The following ATP2C1 variants were observed in gnomAD, a reference collection of about 807,000 sequenced individuals.
The protein encoded by ATP2C1 is ATPase secretory pathway Ca2+ transporting 1, also known as calcium-transporting ATPase type 2C member 1.
ATP2C1 carries 31 observed loss-of-function variants against 120.5 expected under a neutral mutation model. The observed-to-expected ratio is 0.26, with a 90% CI of 0.19 to 0.35. The LOEUF (loss-of-function observed/expected upper bound fraction) is 0.35, where lower values mean the gene tolerates loss of function less well. Among genes scored for constraint, ATP2C1 ranks in the 10% least tolerant of loss-of-function variants. The pLI is 1.00. For synonymous variants in ATP2C1, 351 were observed against 358.7 expected, an observed-to-expected ratio of 0.98 and a Z score of 0.24; for missense variants, 731 against 1,107.5, an observed-to-expected ratio of 0.66 and a Z score of 4.83.
At chr3:130,913,215 G>A (rs1219580479) in intron 2 of ATP2C1, among the ~76,000 whole-genome samples, 1 of 150,452 alleles carries the variant, frequency 6.6e-6, no homozygotes, top group African/African-American at 2.5e-5. Context: ...CCTGCACAAT[G>A]TGCACATGTA....
At chr3:130,865,103 G>A (rs1048158860) in intron 1 of ATP2C1, among the ~76,000 whole-genome samples, 2 of 152,170 alleles carry the variant, frequency 1.3e-5, no homozygotes, top group African/African-American at 4.8e-5. Context: ...CACAGGGGTG[G>A]AGCTGCCTAA....
chr3:130,979,193 G>A (rs2061650417), intron 18 of ATP2C1, 56 bp from the exon 19 acceptor site: 23 of 1,551,774 alleles, frequency 1.5e-5, no homozygotes, highest in Non-Finnish European at 2.0e-5. Context: ...ACTAAATTCT[G>A]ATGTTTTCAT....
chr3:130,891,320 A>G (rs1398355467), upstream of ATP2C1, among the ~76,000 whole-genome samples: 2 of 152,204 alleles, frequency 1.3e-5, no homozygotes, highest in African/African-American at 4.8e-5. Context: ...TGCAGCTATC[A>G]AATTTGATAT....
upstream of ATP2C1, among the ~76,000 whole-genome samples, chr3:130,891,133 T>C (rs984742069): frequency 6.6e-6 from 1 of 152,170 alleles, no homozygotes; most frequent in African/African-American, 2.4e-5. Flanking sequence ...ATTTCTTTTC[T>C]AGCAGCTAGG....
downstream of ATP2C1, among the ~76,000 whole-genome samples, chr3:131,005,467 G>C (rs1039752383): frequency 6.6e-6 from 1 of 152,154 alleles, no homozygotes; most frequent in African/African-American, 2.4e-5. Context: ...CAGGAGAAAA[G>C]GAAAATGGAA....
Position 130,941,252 on chromosome 3 carries a change from G to GTGTCTGTGTGTGTGTGTGTGTGTGTGTC in ATP2C1, c.423-336_423-335insCTGTGTGTGTGTGTGTGTGTGTGTCTGT, listed in dbSNP as rs1553764220. On this transcript the variant is annotated intron_variant, in intron 7 of 27. Coordinates refer to ENST00000510168, the MANE Select transcript of ATP2C1 (RefSeq NM_001378687.1). ...TGTGTGTGTGTGTGTGTGTGTGTGT[G>GTGTCTGTGTGTGTGTGTGTGTGTGTGTC]TGTGTGTGTGTGTCTGTGTGTGTGC... is the stretch of plus-strand genomic sequence containing the variant. 7.4e-4 allele frequency among the ~76,000 whole-genome samples: 107 copies of GTGTCTGTGTGTGTGTGTGTGTGTGTGTC among 144,384 alleles called. 1 individual carries two copies. The highest frequency in any genetic ancestry group is 3.0e-3 in the African/African-American group (106 of 35,854). 94.7% of individuals were successfully genotyped at this position (144,384 alleles called of 152,430 possible).
At chr3:130,920,092 CCCCTTGT>C (rs1275862321) in intron 2 of ATP2C1, among the ~76,000 whole-genome samples, 2 of 152,084 alleles carry the variant, frequency 1.3e-5, no homozygotes, top group African/African-American at 2.4e-5. Flanking sequence ...TGGAGACTAG[CCCCTTGT>C]CAGATGTTTG....
At chr3:130,854,720 G>A (rs1373995274) in intron 1 of ATP2C1, among the ~76,000 whole-genome samples, 1 of 152,194 alleles carries the variant, frequency 6.6e-6, no homozygotes, top group Non-Finnish European at 1.5e-5. Flanking sequence ...CTACATATGG[G>A]TGCTAGCACC....
At chr3:130,923,216 C>T (rs1284853279) in intron 2 of ATP2C1, among the ~76,000 whole-genome samples, 1 of 151,546 alleles carries the variant, frequency 6.6e-6, no homozygotes, top group Non-Finnish European at 1.5e-5. Flanking sequence ...ATATAATATC[C>T]CTCTTTGTCT....
At chr3:130,945,615 G>A (rs1347531237) in intron 8 of ATP2C1, among the ~76,000 whole-genome samples, 1 of 149,968 alleles carries the variant, frequency 6.7e-6, no homozygotes, top group Non-Finnish European at 1.5e-5. Context: ...AACATGTGGT[G>A]TTTGGTTTTG....
At chr3:130,900,519 T>C (rs981937770) in intron 2 of ATP2C1, among the ~76,000 whole-genome samples, 1 of 152,198 alleles carries the variant, frequency 6.6e-6, no homozygotes, top group Non-Finnish European at 1.5e-5. Context: ...CAGCCTTTTA[T>C]AGGAAAACTC....
chr3:130,980,623 T>A lies in ATP2C1; in HGVS notation c.1783T>A (p.Ser595Thr). 1 of 1,613,378 alleles carries A rather than the reference T, an allele frequency of 6.2e-7. No individual in the cohort carries two copies. The highest frequency in any genetic ancestry group is 8.5e-7 in the Non-Finnish European group (1 of 1,179,510). The change falls in exon 20 of 28, where the codon TCA becomes ACA. Residue 595 changes from serine (S) to threonine (T), a missense_variant. This residue lies in a region of ATP2C1 where 571 missense variants were observed against 845.9 expected (regional missense o/e 0.67). Transcript: ENST00000510168. ...GLYSKTSQSVSGEEIDAMDVQ... is the reference protein window; with the variant it reads ...GLYSKTSQSVTGEEIDAMDVQ... The stretch of plus-strand genomic sequence containing the variant: ...GTATTCCAAAACTTCCCAGTCAGTC[T>A]CAGGAGAAGAAATAGATGCAATGGA...
chr3:130,883,763 CTTCT>C (rs2068863521), intron 1 of ATP2C1, among the ~76,000 whole-genome samples: 1 of 151,854 alleles, frequency 6.6e-6, no homozygotes, highest in Non-Finnish European at 1.5e-5. Flanking sequence ...AACCCTCTTT[CTTCT>C]TTCTGATGTA....
chr3:130,920,461 T>G (rs1311752548), intron 2 of ATP2C1, among the ~76,000 whole-genome samples: 2 of 152,226 alleles, frequency 1.3e-5, no homozygotes, highest in Non-Finnish European at 2.9e-5. Flanking sequence ...TTGGCATCTT[T>G]GTTGAAGATC....
chr3:130,874,976 A>AT (rs577689105), intron 1 of ATP2C1, among the ~76,000 whole-genome samples: 114 of 152,118 alleles, frequency 7.5e-4, no homozygotes, highest in African/African-American at 2.6e-3. Flanking sequence ...AAACGAATGG[A>AT]TTTTTTCTTT....
chr3:130,916,166 G>C (rs780953173), intron 2 of ATP2C1, among the ~76,000 whole-genome samples: 1 of 151,944 alleles, frequency 6.6e-6, no homozygotes, highest in East Asian at 1.9e-4. Context: ...AGCACTTTGG[G>C]AGGCTGAGGT....
At chr3:130,914,130 A>T (rs2058574468) in intron 2 of ATP2C1, among the ~76,000 whole-genome samples, 1 of 151,852 alleles carries the variant, frequency 6.6e-6, no homozygotes, top group Non-Finnish European at 1.5e-5. Context: ...CATATAAATG[A>T]CTAAATGTGA....
At chr3:130,914,999 T>G (rs1190504207) in intron 2 of ATP2C1, among the ~76,000 whole-genome samples, 1 of 152,120 alleles carries the variant, frequency 6.6e-6, no homozygotes, top group African/African-American at 2.4e-5. Flanking sequence ...GTTTGTTGCT[T>G]TGGATGACAG....
chr3:130,966,508 G>C (rs2061053528), intron 14 of ATP2C1, among the ~76,000 whole-genome samples: 1 of 152,006 alleles, frequency 6.6e-6, no homozygotes, highest in African/African-American at 2.4e-5. Flanking sequence ...TGATTCTCCT[G>C]TCCCAGCCTC....
Sources: gnomAD v4.1 joint callset for allele counts (sites outside exome capture counted in the v4.1 genomes callset) on GRCh38, gnomAD v4.1.1 for gene constraint, gnomAD v4.1.1 regional missense constraint, MANE v1.5 for transcripts, NCBI Gene and HGNC (gene_info 2026-07-23, HGNC 2026-07-21) for gene names.